Variants in ZBTB7C observed in about 807,000 individuals in gnomAD.
The protein encoded by ZBTB7C is zinc finger and BTB domain-containing protein 7C.
ZBTB7C carries 8 observed loss-of-function variants against 25.7 expected under a neutral mutation model. The ratio of observed to expected loss-of-function variants is 0.31; its 90% CI spans 0.18 to 0.56. The LOEUF (loss-of-function observed/expected upper bound fraction) is 0.56. Among genes scored for constraint, ZBTB7C ranks in the 20% least tolerant of loss-of-function variants. The probability of loss-of-function intolerance (pLI) is 0.91; values close to 1 mark genes in which losing one functional copy is unlikely to be tolerated. For missense variants in ZBTB7C, 824 were observed against 855.2 expected (o/e 0.96, Z 0.46); for synonymous variants, 394 against 369.0 (o/e 1.07, Z -0.78).
intron 3 of ZBTB7C, among the ~76,000 whole-genome samples, chr18:48,052,250 C>A (rs923046338): frequency 1.3e-5 from 2 of 152,182 alleles, no homozygotes; most frequent in Non-Finnish European, 2.9e-5. Flanking sequence ...AAGCATCAAC[C>A]CATGAGAGCA....
chr18:48,036,106 C>T (rs1375471560), intron 4 of ZBTB7C, among the ~76,000 whole-genome samples: 1 of 152,242 alleles, frequency 6.6e-6, no homozygotes, highest in Non-Finnish European at 1.5e-5. Context: ...CCGTTGAGGC[C>T]CTGCCTAGGG....
chr18:48,145,270 C>T (rs1044710306), intron 3 of ZBTB7C, among the ~76,000 whole-genome samples: 1 of 152,188 alleles, frequency 6.6e-6, no homozygotes, highest in Non-Finnish European at 1.5e-5. Flanking sequence ...ACTGGCCCCT[C>T]AAAGGCCTGT....
intron 2 of ZBTB7C, among the ~76,000 whole-genome samples, chr18:48,271,664 T>C (rs2044489761): frequency 6.6e-6 from 1 of 151,424 alleles, no homozygotes; most frequent in Non-Finnish European, 1.5e-5. Context: ...ATGTAAAATG[T>C]TCTTCAGAAA....
At chr18:48,031,278 G>C (rs1318581157) in intron 4 of ZBTB7C, among the ~76,000 whole-genome samples, 1 of 152,180 alleles carries the variant, frequency 6.6e-6, no homozygotes. Context: ...GGCAGGCACT[G>C]TGAGAGGAGG....
intron 1 of ZBTB7C, among the ~76,000 whole-genome samples, chr18:48,381,739 A>T (rs1181291298): frequency 6.6e-6 from 1 of 152,262 alleles, no homozygotes; most frequent in Non-Finnish European, 1.5e-5. Flanking sequence ...ATTGAAGGAC[A>T]GCTAGGAGTC....
chr18:48,123,123 G>A (rs1253777053), intron 3 of ZBTB7C, among the ~76,000 whole-genome samples: 1 of 152,180 alleles, frequency 6.6e-6, no homozygotes, highest in Non-Finnish European at 1.5e-5. Context: ...CAAGCCTGAT[G>A]CCTATGGCTG....
intron 4 of ZBTB7C, among the ~76,000 whole-genome samples, chr18:48,030,301 A>C (rs369720119): frequency 1.3e-5 from 2 of 152,236 alleles, no homozygotes; most frequent in South Asian, 2.1e-4. Flanking sequence ...ACTGCACTTT[A>C]ATCTCATACC....
chr18:48,181,151 C>A (rs1356505245), intron 3 of ZBTB7C, among the ~76,000 whole-genome samples: 1 of 152,158 alleles, frequency 6.6e-6, no homozygotes, highest in East Asian at 1.9e-4. Context: ...CCTGGAGTCA[C>A]CCCTTTATCT....
intron 3 of ZBTB7C, among the ~76,000 whole-genome samples, chr18:48,174,133 T>A (rs1012285891): frequency 6.6e-6 from 1 of 152,240 alleles, no homozygotes; most frequent in African/African-American, 2.4e-5. Flanking sequence ...CAAACAAATT[T>A]ATATGGCAAA....
At chr18:48,057,409 A>T (rs1404647612) in intron 3 of ZBTB7C, among the ~76,000 whole-genome samples, 1 of 152,194 alleles carries the variant, frequency 6.6e-6, no homozygotes, top group Non-Finnish European at 1.5e-5. Context: ...AGAATGAGGC[A>T]TATCTGTATA....
intron 3 of ZBTB7C, among the ~76,000 whole-genome samples, chr18:48,174,594 T>C (rs1348746964): frequency 6.6e-6 from 1 of 152,240 alleles, no homozygotes; most frequent in African/African-American, 2.4e-5. Context: ...ACAAGCATTG[T>C]AGCATTATGT....
intron 3 of ZBTB7C, among the ~76,000 whole-genome samples, chr18:48,104,761 C>A (rs1329190202): frequency 6.6e-6 from 1 of 152,230 alleles, no homozygotes; most frequent in Non-Finnish European, 1.5e-5. Context: ...AGGTAGCAAG[C>A]TCCAGGTTTC....
chr18:48,108,499 C>T (rs538228130), intron 3 of ZBTB7C, among the ~76,000 whole-genome samples: 7 of 152,206 alleles, frequency 4.6e-5, no homozygotes, highest in Non-Finnish European at 1.0e-4. Flanking sequence ...GTGGCACAAT[C>T]GTAGCTCACT....
chr18:48,029,250 A>G lies in ZBTB7C; in HGVS notation c.*10T>C, dbSNP rs1378261277. 3 of 1,533,092 alleles carry G rather than the reference A, an allele frequency of 2.0e-6. No homozygotes were observed. Among genetic ancestry groups the G allele is most frequent in the South Asian group, 1.2e-5 (1 of 83,258 alleles). 95.0% of individuals were successfully genotyped at this position (1,533,092 alleles called of 1,614,324 possible). A position where few individuals can be genotyped will look rare whatever the true frequency, so the allele number is the denominator to read the frequency against. On this transcript the variant is annotated 3_prime_UTR_variant, in exon 5 of 5. Transcript: ENST00000590800. ...GGAGGGCTGGTGGGCTGGAGCCGAC[A>G]GGGACCAGCCTAGTTGTTGGCTTCG...
At chr18:48,370,451 T>C (rs1568406648) in intron 1 of ZBTB7C, among the ~76,000 whole-genome samples, 1 of 152,122 alleles carries the variant, frequency 6.6e-6, no homozygotes, top group Non-Finnish European at 1.5e-5. Context: ...AGCTACAAAA[T>C]GGCAACAGGA....
At chr18:48,393,596 C>T (rs2047952544) in intron 1 of ZBTB7C, among the ~76,000 whole-genome samples, 1 of 152,082 alleles carries the variant, frequency 6.6e-6, no homozygotes, top group South Asian at 2.1e-4. Flanking sequence ...TGAATCGAAA[C>T]TAAAGGCATT....
intron 3 of ZBTB7C, among the ~76,000 whole-genome samples, chr18:48,107,842 G>A (rs1441033604): frequency 6.6e-6 from 1 of 152,142 alleles, no homozygotes; most frequent in Non-Finnish European, 1.5e-5. Context: ...TGAAGTGAGG[G>A]CAGGTTACCC....
chr18:48,125,360 G>A (rs2039766560), intron 3 of ZBTB7C, among the ~76,000 whole-genome samples: 1 of 152,210 alleles, frequency 6.6e-6, no homozygotes, highest in African/African-American at 2.4e-5. Context: ...AGTGTCCGTA[G>A]GAAGAAGGTG....
chr18:48,113,326 G>A (rs1598902074), intron 3 of ZBTB7C, among the ~76,000 whole-genome samples: 1 of 152,170 alleles, frequency 6.6e-6, no homozygotes, highest in Non-Finnish European at 1.5e-5. Flanking sequence ...ATGAACAAGT[G>A]AAACTACCCC....
Sources: allele counts gnomAD v4.1 joint callset (sites outside exome capture counted in the v4.1 genomes callset), GRCh38; gene constraint gnomAD v4.1.1; transcripts MANE v1.5; gene names NCBI Gene and HGNC (gene_info 2026-07-23, HGNC 2026-07-21).